Variants in AFF3 observed in about 807,000 individuals in gnomAD.
The protein encoded by AFF3 is ALF transcription elongation factor 3.
In AFF3, 32 loss-of-function variants were observed where a neutral mutation model predicts 129.7. That is an observed-to-expected ratio of 0.25 (90% CI 0.19 to 0.33). AFF3 has a LOEUF of 0.33. Ranked by LOEUF, AFF3 falls within the 10% of genes least tolerant of loss-of-function variation. The pLI, the probability that AFF3 is intolerant of heterozygous loss-of-function variation, is 1.00. For synonymous variants in AFF3, 644 were observed against 635.4 expected (o/e 1.01, Z -0.20); for missense variants, 1,373 against 1,592.0 (o/e 0.86, Z 2.34).
At chr2:99,712,488 C>T (rs1004756417) in intron 11 of AFF3, among the ~76,000 whole-genome samples, 1 of 152,222 alleles carries the variant, frequency 6.6e-6, no homozygotes, top group Non-Finnish European at 1.5e-5. Flanking sequence ...CTTCTCCTTC[C>T]TCACTCCTTT....
At chr2:100,105,704 A>G in intron 2 of AFF3, 121 bp from the exon 3 acceptor site, 1 of 1,358,282 alleles carries the variant, frequency 7.4e-7, no homozygotes, top group Non-Finnish European at 9.8e-7. Flanking sequence ...GCATGTCTCC[A>G]TCAGGGCCCT....
chr2:99,828,577 G>T (rs1038512736), intron 8 of AFF3, among the ~76,000 whole-genome samples: 5 of 152,178 alleles, frequency 3.3e-5, no homozygotes. Flanking sequence ...ACTTCCAAAG[G>T]GGGCCATGAC....
At chr2:99,778,489 G>A (rs1684120128) in intron 8 of AFF3, among the ~76,000 whole-genome samples, 1 of 152,144 alleles carries the variant, frequency 6.6e-6, no homozygotes, top group African/African-American at 2.4e-5. Context: ...ATAACTGGCT[G>A]GGACAATGCT....
At chr2:99,624,130 A>G (rs1213252033) in intron 13 of AFF3, among the ~76,000 whole-genome samples, 1 of 152,076 alleles carries the variant, frequency 6.6e-6, no homozygotes, top group Non-Finnish European at 1.5e-5. Context: ...AGCCACAGCT[A>G]CCTCCAAGGT....
At chr2:100,131,088 C>A (rs1692412859) in intron 1 of AFF3, among the ~76,000 whole-genome samples, 1 of 152,234 alleles carries the variant, frequency 6.6e-6, no homozygotes, top group South Asian at 2.1e-4. Flanking sequence ...AACTTTCCAG[C>A]CACTGCTTAA....
At chr2:100,021,100 C>T (rs1275063929) in intron 4 of AFF3, among the ~76,000 whole-genome samples, 2 of 152,144 alleles carry the variant, frequency 1.3e-5, no homozygotes, top group African/African-American at 4.8e-5. Flanking sequence ...AGTGATTTTT[C>T]CCTCTTGGGA....
chr2:99,855,596 A>C (rs917877788), intron 7 of AFF3, among the ~76,000 whole-genome samples: 4 of 152,194 alleles, frequency 2.6e-5, no homozygotes, highest in Non-Finnish European at 5.9e-5. Context: ...TGAAGTATTA[A>C]AAAAATTTTC....
chr2:99,707,466 C>T (rs189750504), intron 11 of AFF3: 2 of 985,290 alleles, frequency 2.0e-6, no homozygotes, highest in Admixed American at 1.2e-4. Flanking sequence ...ACGAGGCAAA[C>T]AAACAAAAGG....
At chr2:99,939,442 G>A (rs1674824576) in intron 7 of AFF3, among the ~76,000 whole-genome samples, 1 of 152,162 alleles carries the variant, frequency 6.6e-6, no homozygotes, top group African/African-American at 2.4e-5. Flanking sequence ...CTCTGATGCA[G>A]GAGAGAAAAG....
intron 8 of AFF3, among the ~76,000 whole-genome samples, chr2:99,822,654 T>C (rs887103427): frequency 6.6e-6 from 1 of 152,212 alleles, no homozygotes; most frequent in African/African-American, 2.4e-5. Flanking sequence ...CAAGGGCTGC[T>C]GACAATCTTT....
chr2:99,663,907 T>C (rs1051091876), intron 12 of AFF3, among the ~76,000 whole-genome samples: 3 of 152,242 alleles, frequency 2.0e-5, no homozygotes, highest in South Asian at 2.1e-4. Context: ...CCTGTCCTCA[T>C]GCCTTAGCTA....
intron 4 of AFF3, among the ~76,000 whole-genome samples, chr2:100,069,377 C>T (rs1003975916): frequency 6.6e-6 from 1 of 152,082 alleles, no homozygotes; most frequent in Non-Finnish European, 1.5e-5. Context: ...GCTAGCAGTC[C>T]AATTTTGGAA....
chr2:100,141,581 C>G (rs1692875903), intron 1 of AFF3, among the ~76,000 whole-genome samples: 1 of 152,176 alleles, frequency 6.6e-6, no homozygotes, highest in Non-Finnish European at 1.5e-5. Flanking sequence ...ATTGTAAACA[C>G]TTGACCTTTA....
intron 10 of AFF3, among the ~76,000 whole-genome samples, chr2:99,731,732 C>G (rs1319954538): frequency 6.6e-6 from 1 of 152,156 alleles, no homozygotes; most frequent in Admixed American, 6.5e-5. Context: ...AAGAAGAAAG[C>G]AGCTTGAGTA....
chr2:99,556,081 C>T (rs961104520), intron 22 of AFF3, among the ~76,000 whole-genome samples: 3 of 152,080 alleles, frequency 2.0e-5, no homozygotes, highest in African/African-American at 7.2e-5. Flanking sequence ...AATGCATGTT[C>T]TGGATATAAG....
chr2:100,016,445 G>A (rs1322904226), intron 4 of AFF3, among the ~76,000 whole-genome samples: 1 of 150,452 alleles, frequency 6.6e-6, no homozygotes, highest in Non-Finnish European at 1.5e-5. Flanking sequence ...GTGATGTGGT[G>A]GTGGAGATGG....
chr2:99,594,406 G>C (rs1679084121), intron 14 of AFF3, 117 bp from the exon 15 acceptor site: 3 of 1,423,928 alleles, frequency 2.1e-6, no homozygotes, highest in Admixed American at 2.3e-5. Context: ...AAAACGAATG[G>C]GCTGGAAGCA....
intron 8 of AFF3, among the ~76,000 whole-genome samples, chr2:99,835,220 T>C (rs982907754): frequency 4.6e-5 from 7 of 152,156 alleles, no homozygotes; most frequent in African/African-American, 1.7e-4. Flanking sequence ...AAACTGCTAA[T>C]GTGATCACAT....
intron 13 of AFF3, among the ~76,000 whole-genome samples, chr2:99,621,682 G>A (rs987963960): frequency 1.3e-5 from 2 of 152,182 alleles, no homozygotes; most frequent in South Asian, 4.1e-4. Flanking sequence ...CGCTCAATGC[G>A]GCCATAAAAT....
Sources: gnomAD v4.1 joint callset for allele counts (sites outside exome capture counted in the v4.1 genomes callset) on GRCh38, gnomAD v4.1.1 for gene constraint, MANE v1.5 for transcripts, NCBI Gene and HGNC (gene_info 2026-07-23, HGNC 2026-07-21) for gene names.